The following CNTN5 variants were observed in gnomAD, a reference collection of about 807,000 sequenced individuals.
The protein encoded by CNTN5 is contactin 5.
Under a neutral mutation model 129.1 loss-of-function variants are expected in CNTN5, and 77 were observed. The ratio of observed to expected loss-of-function variants is 0.60; its 90% confidence interval spans 0.50 to 0.72. CNTN5 has a LOEUF of 0.72. Ranked by LOEUF, CNTN5 falls within the 30% of genes least tolerant of loss-of-function variation. The pLI is 0.00. For synonymous variants in CNTN5, 509 were observed against 465.6 expected, an observed-to-expected ratio of 1.09 and a Z score of -1.20; for missense variants, 1,478 against 1,328.8, an observed-to-expected ratio of 1.11 and a Z score of -1.75.
At chr11:99,418,782 T>C (rs1942768433) in intron 2 of CNTN5, among the ~76,000 whole-genome samples, 1 of 152,144 alleles carries the variant, frequency 6.6e-6, no homozygotes, top group African/African-American at 2.4e-5. Context: ...TAAGTATCTG[T>C]CGAATCATGT....
At chr11:100,212,288 T>C (rs1199114763) in intron 15 of CNTN5, among the ~76,000 whole-genome samples, 2 of 152,180 alleles carry the variant, frequency 1.3e-5, no homozygotes, top group Non-Finnish European at 2.9e-5. Context: ...ATAATGTGAC[T>C]ATACTTCAAT....
At chr11:99,187,164 G>A (rs1397966820) in intron 1 of CNTN5, among the ~76,000 whole-genome samples, 3 of 151,784 alleles carry the variant, frequency 2.0e-5, no homozygotes, top group Non-Finnish European at 4.4e-5. Flanking sequence ...TCATTCTATA[G>A]AGAGGCACTG....
At chr11:99,447,529 A>G (rs1944118680) in intron 2 of CNTN5, among the ~76,000 whole-genome samples, 1 of 152,218 alleles carries the variant, frequency 6.6e-6, no homozygotes, top group African/African-American at 2.4e-5. Context: ...AAGTTATAAA[A>G]ATTCCCTATG....
At chr11:100,256,847 C>T (rs964049514) in intron 17 of CNTN5, among the ~76,000 whole-genome samples, 1 of 152,046 alleles carries the variant, frequency 6.6e-6, no homozygotes. Context: ...CACCAGGGCC[C>T]TGGGTTTCAA....
intron 2 of CNTN5, among the ~76,000 whole-genome samples, chr11:99,332,751 AC>A (rs1866052048): frequency 6.6e-6 from 1 of 151,890 alleles, no homozygotes; most frequent in African/African-American, 2.4e-5. Context: ...GAAGCAGAAA[AC>A]CCCTGCAGCT....
chr11:99,771,376 G>A (rs985471128), intron 3 of CNTN5, among the ~76,000 whole-genome samples: 1 of 151,700 alleles, frequency 6.6e-6, no homozygotes, highest in Non-Finnish European at 1.5e-5. Context: ...ATACATATAT[G>A]TACATACATA....
At chr11:99,794,733 CA>C in intron 3 of CNTN5, among the ~76,000 whole-genome samples, 1 of 152,180 alleles carries the variant, frequency 6.6e-6, no homozygotes, top group Admixed American at 6.5e-5. Context: ...TTTCTTTAAC[CA>C]TGCTGAATAT....
At chr11:99,924,456 A>G (rs565127139) in intron 7 of CNTN5, among the ~76,000 whole-genome samples, 46 of 152,284 alleles carry the variant, frequency 3.0e-4, no homozygotes, top group African/African-American at 1.0e-3. Flanking sequence ...AATTCTGCAT[A>G]TGGTTAGCCA....
intron 2 of CNTN5, among the ~76,000 whole-genome samples, chr11:99,490,564 C>T (rs925600299): frequency 2.6e-5 from 4 of 152,210 alleles, no homozygotes; most frequent in Non-Finnish European, 5.9e-5. Flanking sequence ...TGCTTAGTTA[C>T]TGTTACTTAT....
chr11:100,072,289 C>T lies in CNTN5; in HGVS notation c.1429+455C>T, dbSNP rs528670035. 3.9e-5 allele frequency among the ~76,000 whole-genome samples: 6 copies of T among 152,264 alleles called. 1 individual carries two copies. In the South Asian group the frequency reaches 1.2e-3, roughly 32 times the overall value. ...AAGACTCCAGGCTAAATCACTCTCT[C>T]CTCATGGGGCATCAACTAATACCTT... On this transcript the variant is annotated intron_variant, in intron 12 of 24. Transcript: ENST00000524871.
intron 3 of CNTN5, among the ~76,000 whole-genome samples, chr11:99,632,885 T>C: frequency 6.6e-6 from 1 of 151,640 alleles, no homozygotes; most frequent in East Asian, 2.0e-4. Context: ...TTACTTAAGG[T>C]ATCTTCTTGG....
intron 3 of CNTN5, among the ~76,000 whole-genome samples, chr11:99,571,327 T>C (rs1338685923): frequency 6.6e-6 from 1 of 152,192 alleles, no homozygotes; most frequent in East Asian, 1.9e-4. Context: ...TCTTCAGCTG[T>C]ATCAATAATG....
At chr11:99,488,321 C>A (rs1386081837) in intron 2 of CNTN5, among the ~76,000 whole-genome samples, 2 of 151,752 alleles carry the variant, frequency 1.3e-5, no homozygotes, top group Non-Finnish European at 2.9e-5. Flanking sequence ...TATAGGCATG[C>A]ACCACCATGG....
intron 21 of CNTN5, among the ~76,000 whole-genome samples, chr11:100,339,863 A>G (rs572581994): frequency 1.8e-4 from 28 of 152,180 alleles, no homozygotes; most frequent in Non-Finnish European, 3.5e-4. Context: ...ACGAGGAAAG[A>G]TGATCTCAAT....
intron 13 of CNTN5, among the ~76,000 whole-genome samples, chr11:100,128,648 A>C (rs1048632901): frequency 7.2e-5 from 11 of 152,278 alleles, no homozygotes; most frequent in African/African-American, 2.6e-4. Context: ...GAGAGATACA[A>C]CATTCTTGGC....
rs188221036 is a variant in CNTN5 at position 99,071,897 on chromosome 11, G to C, written c.-210+50627G>C. 1.2e-4 allele frequency among the ~76,000 whole-genome samples: 18 copies of C among 151,968 alleles called. 1 individual carries two copies. The East Asian group carries it at 3.5e-3, about 29-fold the overall frequency. On this transcript the variant is annotated intron_variant, in intron 1 of 24. Coordinates refer to ENST00000524871, the MANE Select transcript of CNTN5 (RefSeq NM_014361.4). ...TCCAGCATCAAAAACCTTCCCATAA[G>C]AAAAGTTTAAGCTAAGGCATAAAGG...
chr11:99,754,176 G>T (rs952336907), intron 3 of CNTN5, among the ~76,000 whole-genome samples: 1 of 152,118 alleles, frequency 6.6e-6, no homozygotes, highest in Non-Finnish European at 1.5e-5. Flanking sequence ...ATTGATGATT[G>T]TCCATGCTAT....
chr11:99,888,506 G>A (rs1238809218), intron 6 of CNTN5, among the ~76,000 whole-genome samples: 1 of 152,160 alleles, frequency 6.6e-6, no homozygotes, highest in African/African-American at 2.4e-5. Flanking sequence ...TGCCTAATAA[G>A]CCTATGGTAC....
At chr11:99,904,197 G>A (rs1045232992) in intron 6 of CNTN5, among the ~76,000 whole-genome samples, 2 of 152,052 alleles carry the variant, frequency 1.3e-5, no homozygotes, top group Non-Finnish European at 2.9e-5. Context: ...TGTAACATAG[G>A]TATACACTTG....
Sources: allele counts gnomAD v4.1 joint callset (sites outside exome capture counted in the v4.1 genomes callset), GRCh38; gene constraint gnomAD v4.1.1; transcripts MANE v1.5; gene names NCBI Gene and HGNC (gene_info 2026-07-23, HGNC 2026-07-21).